The following APBB2 variants were observed in gnomAD, a reference collection of about 807,000 sequenced individuals.
The protein encoded by APBB2 is amyloid beta precursor protein binding family B member 2.
A neutral mutation model predicts 82.5 loss-of-function variants in APBB2; 38 were observed. The observed-to-expected ratio is 0.46, with a 90% CI of 0.36 to 0.60. The LOEUF (loss-of-function observed/expected upper bound fraction) is 0.60, where lower values mean the gene tolerates loss of function less well. Among genes scored for constraint, APBB2 ranks in the 20% least tolerant of loss-of-function variants. The pLI is 0.00. For missense variants in APBB2, 772 were observed against 972.3 expected (o/e 0.79, Z 2.74); for synonymous variants, 341 against 368.2 (o/e 0.93, Z 0.85).
At chr4:41,070,957 C>G (rs973397573) in intron 3 of APBB2, among the ~76,000 whole-genome samples, 2 of 152,282 alleles carry the variant, frequency 1.3e-5, no homozygotes, top group East Asian at 3.9e-4. Context: ...ACTGCATTTA[C>G]GGTACTAGCC....
At chr4:40,835,510 G>C in intron 12 of APBB2, among the ~76,000 whole-genome samples, 1 of 152,198 alleles carries the variant, frequency 6.6e-6, no homozygotes, top group Non-Finnish European at 1.5e-5. Context: ...AGCAAAGGCA[G>C]GGAGGTCAGA....
At chr4:41,153,917 C>T (rs995305268) in intron 1 of APBB2, among the ~76,000 whole-genome samples, 4 of 152,054 alleles carry the variant, frequency 2.6e-5, no homozygotes, top group Non-Finnish European at 4.4e-5. Flanking sequence ...AAGAGCTAGA[C>T]GCGTAAGGAG....
At chr4:40,963,064 T>C (rs1461438816) in intron 6 of APBB2, among the ~76,000 whole-genome samples, 1 of 152,170 alleles carries the variant, frequency 6.6e-6, no homozygotes, top group Non-Finnish European at 1.5e-5. Flanking sequence ...AATCTAAGCC[T>C]CTCGCTTGTG....
intron 4 of APBB2, among the ~76,000 whole-genome samples, chr4:41,046,434 A>G (rs1260310675): frequency 6.6e-6 from 1 of 152,258 alleles, no homozygotes; most frequent in African/African-American, 2.4e-5. Context: ...TCAAATATAC[A>G]ACCAAGAGAT....
chr4:40,909,187 AC>A (rs1356018152), intron 10 of APBB2, among the ~76,000 whole-genome samples: 1 of 152,254 alleles, frequency 6.6e-6, no homozygotes, highest in African/African-American at 2.4e-5. Context: ...TGCCTGCCCC[AC>A]AGCGACTCTC....
intron 3 of APBB2, among the ~76,000 whole-genome samples, chr4:41,069,444 T>C (rs1283866244): frequency 1.3e-5 from 2 of 152,196 alleles, no homozygotes; most frequent in African/African-American, 4.8e-5. Flanking sequence ...AGCTTTTATG[T>C]TCCCCAGACA....
chr4:41,212,908 G>C (rs1263673147), intron 1 of APBB2, among the ~76,000 whole-genome samples: 5 of 152,042 alleles, frequency 3.3e-5, no homozygotes, highest in African/African-American at 1.2e-4. Flanking sequence ...AACAACTGTT[G>C]AACAAATATT....
At chr4:41,119,670 C>T (rs1465946684) in intron 2 of APBB2, among the ~76,000 whole-genome samples, 1 of 151,996 alleles carries the variant, frequency 6.6e-6, no homozygotes, top group African/African-American at 2.4e-5. Flanking sequence ...CCGATTCCTG[C>T]CTAAAGAAGG....
chr4:40,899,468 A>G (rs1774643228), intron 10 of APBB2, among the ~76,000 whole-genome samples: 1 of 139,452 alleles, frequency 7.2e-6, no homozygotes, highest in Admixed American at 6.7e-5. Flanking sequence ...TCCCTAAAAC[A>G]TGTGTCGTGG....
intron 1 of APBB2, among the ~76,000 whole-genome samples, chr4:41,213,558 C>G (rs1395260603): frequency 6.6e-6 from 1 of 152,188 alleles, no homozygotes; most frequent in Non-Finnish European, 1.5e-5. Context: ...GCTGTTTGCC[C>G]CGAACCCGTA....
chr4:41,168,503 G>A (rs561637229), intron 1 of APBB2, among the ~76,000 whole-genome samples: 98 of 151,962 alleles, frequency 6.4e-4, no homozygotes, highest in Admixed American at 1.7e-3. Flanking sequence ...CATGCCCAGC[G>A]AAGTCAACAA....
rs181389456 is a variant in APBB2, at chr4:41,078,057, T to G, written c.-148-12384A>C. ...GAAAATAAAATAACAGTATCCTGCA[T>G]AGCTCAGCTGTGAAAAATATTTACA... On this transcript the variant is annotated intron_variant, in intron 3 of 17. Transcript: ENST00000508593. Among the ~76,000 whole-genome samples, 4 of 152,356 alleles carry G rather than the reference T, an allele frequency of 2.6e-5. No individual in the cohort carries two copies. In the East Asian group the frequency reaches 7.7e-4, roughly 29 times the overall value.
chr4:41,107,130 T>C (rs1747558416), intron 2 of APBB2, among the ~76,000 whole-genome samples: 1 of 151,972 alleles, frequency 6.6e-6, no homozygotes, highest in African/African-American at 2.4e-5. Context: ...GCCAACACAG[T>C]GAAACCCCAT....
intron 6 of APBB2, among the ~76,000 whole-genome samples, chr4:41,002,358 C>A (rs1805478765): frequency 6.6e-6 from 1 of 152,194 alleles, no homozygotes; most frequent in African/African-American, 2.4e-5. Flanking sequence ...CAGTTCATGT[C>A]ACACTTTGAT....
Position 40,944,868 on chromosome 4 carries a change from G to A in APBB2, c.1041C>T (p.Asn347=), listed in dbSNP as rs757004371. 19 of 1,612,324 alleles carry A rather than the reference G, an allele frequency of 1.2e-5. No homozygotes were observed. Among genetic ancestry groups the A allele is most frequent in the African/African-American group, 5.3e-5 (4 of 74,848 alleles). ...GTAAAAAGACACTCCGTTTTACCTCGTTCTCTGGGGTGGGAGATGGCGTTA... is the reference window on the plus strand; with the variant it reads ...GTAAAAAGACACTCCGTTTTACCTCATTCTCTGGGGTGGGAGATGGCGTTA... ...SSVTPSPTPE[N]EKQPWSDFAV... Residue 347 remains asparagine (N), a synonymous_variant, in exon 7 of 18, where the codon AAC becomes AAT. Transcript: ENST00000508593.
chr4:41,014,307 G>A lies in APBB2; in HGVS notation c.111C>T (p.Asn37=). 6.2e-7 allele frequency: 1 copy of A among 1,614,182 alleles called. No homozygotes were observed. The highest frequency in any genetic ancestry group is 8.5e-7 in the Non-Finnish European group (1 of 1,180,026). The change falls in exon 6 of 18, where the codon AAC becomes AAT. Residue 37 remains asparagine, a synonymous_variant. Coordinates refer to ENST00000508593, the MANE Select transcript of APBB2 (RefSeq NM_004307.2). ...TGTGGGAGGATCGGAGGTTAAGGGT[G>A]TTTGGTGGTGTGGCTGGGCTGTTCC... ...TNRNSPATPP[N]TLNLRSSHNE...
intron 2 of APBB2, among the ~76,000 whole-genome samples, chr4:41,112,715 C>A (rs981706392): frequency 6.6e-6 from 1 of 152,108 alleles, no homozygotes; most frequent in East Asian, 1.9e-4. Flanking sequence ...TCAGGCCGGG[C>A]GTGGTGGCTG....
In APBB2 at chr4:40,981,187, G is replaced by A. The variant is rs535760908; in HGVS notation, c.835+32396C>T. On this transcript the variant is annotated intron_variant, in intron 6 of 17. Coordinates refer to ENST00000508593, the MANE Select transcript of APBB2 (RefSeq NM_004307.2). ...TGGGAGGCTGAGGCGGGCGGATCAC[G>A]AGGTCAAGAGATTGAGACCATCCTG... 5.3e-5 allele frequency among the ~76,000 whole-genome samples: 8 copies of A among 152,072 alleles called. No homozygotes were observed. In the South Asian group the frequency reaches 8.3e-4, roughly 16 times the overall value.
At chr4:41,020,187 A>C (rs1811097146) in intron 5 of APBB2, among the ~76,000 whole-genome samples, 1 of 152,258 alleles carries the variant, frequency 6.6e-6, no homozygotes. Flanking sequence ...CCTTGTTGCC[A>C]GTGTAAACAA....
Sources: allele counts gnomAD v4.1 joint callset (sites outside exome capture counted in the v4.1 genomes callset), GRCh38; gene constraint gnomAD v4.1.1; transcripts MANE v1.5; gene names NCBI Gene and HGNC (gene_info 2026-07-23, HGNC 2026-07-21).